Variants in GIGYF2 observed in about 807,000 individuals in gnomAD.
GIGYF2 encodes the protein GRB10-interacting GYF protein 2.
Under a neutral mutation model 208.1 loss-of-function variants are expected in GIGYF2, and 25 were observed. The observed-to-expected ratio is 0.12, with a 90% CI of 0.09 to 0.17. GIGYF2 has a LOEUF of 0.17. GIGYF2 is among the 10% of genes least tolerant of loss of function. The pLI is 1.00. For missense variants in GIGYF2, 1,302 were observed against 1,579.4 expected (o/e 0.82, Z 2.98); for synonymous variants, 534 against 543.8 (o/e 0.98, Z 0.25).
intron 2 of GIGYF2, among the ~76,000 whole-genome samples, chr2:232,716,779 A>G (rs1404537248): frequency 6.6e-6 from 1 of 152,108 alleles, no homozygotes; most frequent in Non-Finnish European, 1.5e-5. Flanking sequence ...TTCATTTAAA[A>G]TAGTTTAAAT....
At chr2:232,716,099 G>A (rs1180386710) in intron 2 of GIGYF2, among the ~76,000 whole-genome samples, 1 of 152,060 alleles carries the variant, frequency 6.6e-6, no homozygotes, top group Non-Finnish European at 1.5e-5. Flanking sequence ...ACTGTGTGCA[G>A]ATGTTACTAT....
intron 3 of GIGYF2, among the ~76,000 whole-genome samples, chr2:232,742,774 C>A (rs978766733): frequency 5.9e-5 from 9 of 152,086 alleles, no homozygotes; most frequent in Non-Finnish European, 1.2e-4. Context: ...GTATGAATCC[C>A]AGATTTTTAA....
chr2:232,721,082 C>G (rs1696922616), intron 2 of GIGYF2, among the ~76,000 whole-genome samples: 1 of 152,188 alleles, frequency 6.6e-6, no homozygotes, highest in Admixed American at 6.5e-5. Flanking sequence ...GGTCTCAGAA[C>G]TAACAATATT....
chr2:232,856,753 G>C (rs1488165576), intron 28 of GIGYF2, 40 bp from the exon 29 acceptor site: 1 of 1,315,160 alleles, frequency 7.6e-7, no homozygotes, highest in African/African-American at 1.4e-5. Context: ...CCGCTTGGTT[G>C]CCTGGGTGTG....
chr2:232,760,567 A>G lies in GIGYF2; in HGVS notation c.467A>G (p.His156Arg). 2 of 1,611,542 alleles carry G rather than the reference A, an allele frequency of 1.2e-6. No homozygotes were observed. The highest frequency in any genetic ancestry group is 1.7e-6 in the Non-Finnish European group (2 of 1,177,848). ...VFGRGGGREM[H>R]RSQSWEERGD... is the part of the protein sequence containing the mutation. The stretch of plus-strand genomic sequence containing the variant: ...GGTCGAGGAGGTGGCAGAGAAATGC[A>G]TAGATCGCAGAGCTGGGAGGAAAGG... Residue 156 changes from histidine (H) to arginine (R), a missense_variant, in exon 7 of 29, where the codon CAT becomes CGT. Transcript: ENST00000373563.
At chr2:232,741,542 A>G (rs1697968701) in intron 3 of GIGYF2, among the ~76,000 whole-genome samples, 1 of 151,848 alleles carries the variant, frequency 6.6e-6, no homozygotes, top group Non-Finnish European at 1.5e-5. Flanking sequence ...TCCTGAGTTC[A>G]AGCGATTCTC....
chr2:232,763,255 A>G (rs1470943839), intron 8 of GIGYF2, among the ~76,000 whole-genome samples: 2 of 152,030 alleles, frequency 1.3e-5, no homozygotes, highest in African/African-American at 4.8e-5. Flanking sequence ...TGGTTATTCT[A>G]AGCTCTCAGA....
chr2:232,845,999 A>C, intron 26 of GIGYF2, 113 bp downstream of exon 26: 1 of 743,100 alleles, frequency 1.3e-6, no homozygotes, highest in Non-Finnish European at 2.4e-6. Context: ...TAAGGAGGTC[A>C]ACTGCTGCAC....
At chr2:232,784,666 C>T (rs895556244) in intron 8 of GIGYF2, among the ~76,000 whole-genome samples, 16 of 152,074 alleles carry the variant, frequency 1.1e-4, no homozygotes, top group African/African-American at 3.6e-4. Flanking sequence ...TGTGAGCCAC[C>T]GCGCCTGGCC....
chr2:232,784,382 A>ATTTTTTTT (rs1360964345), intron 8 of GIGYF2, among the ~76,000 whole-genome samples: 5 of 70,416 alleles, frequency 7.1e-5, no homozygotes, highest in East Asian at 5.9e-4. Flanking sequence ...ACACGAAATA[A>ATTTTTTTT]TTTCTTTTTT....
chr2:232,821,575 A>G (rs767247468), intron 21 of GIGYF2, among the ~76,000 whole-genome samples: 2 of 152,152 alleles, frequency 1.3e-5, no homozygotes, highest in African/African-American at 2.4e-5. Context: ...GATTCCTTAT[A>G]TTCTCAGTAC....
At chr2:232,712,509 T>C (rs956455273) in intron 2 of GIGYF2, among the ~76,000 whole-genome samples, 2 of 152,236 alleles carry the variant, frequency 1.3e-5, no homozygotes. Context: ...TAGTGACTGC[T>C]GGTACAGTTT....
chr2:232,851,497 G>A (rs1022487147), intron 28 of GIGYF2, among the ~76,000 whole-genome samples: 1 of 151,704 alleles, frequency 6.6e-6, no homozygotes, highest in Non-Finnish European at 1.5e-5. Context: ...TCAGCTCACT[G>A]CAACCTCTGC....
intron 8 of GIGYF2, among the ~76,000 whole-genome samples, 190 bp from the exon 9 acceptor site, chr2:232,786,960 A>G (rs1200208985): frequency 3.3e-5 from 5 of 152,228 alleles, no homozygotes; most frequent in Non-Finnish European, 7.3e-5. Flanking sequence ...AAAATTGCCC[A>G]GTCTCTGAAC....
chr2:232,730,592 G>A (rs1427913888), intron 2 of GIGYF2, among the ~76,000 whole-genome samples: 1 of 142,842 alleles, frequency 7.0e-6, no homozygotes, highest in Non-Finnish European at 1.5e-5. Flanking sequence ...GCAGTAGAGC[G>A]AGACTCAGTC....
intron 2 of GIGYF2, among the ~76,000 whole-genome samples, chr2:232,731,735 G>C (rs1421490855): frequency 6.6e-6 from 1 of 152,120 alleles, no homozygotes; most frequent in Admixed American, 6.5e-5. Flanking sequence ...CATTCATTTG[G>C]AATGTACCAT....
chr2:232,703,552 G>A (rs1414651260), intron 2 of GIGYF2, 63 bp downstream of exon 2: 1 of 152,612 alleles, frequency 6.6e-6, no homozygotes, highest in Non-Finnish European at 1.5e-5. Flanking sequence ...TCTGCTTTTA[G>A]GTTTTAGTTA....
intron 2 of GIGYF2, among the ~76,000 whole-genome samples, chr2:232,725,753 G>C (rs535659309): frequency 1.3e-5 from 2 of 152,314 alleles, no homozygotes; most frequent in Non-Finnish European, 2.9e-5. Flanking sequence ...GGCGCCTTGA[G>C]GGCAGGAGTT....
At chr2:232,771,712 C>G (rs1439050896) in intron 8 of GIGYF2, among the ~76,000 whole-genome samples, 1 of 152,170 alleles carries the variant, frequency 6.6e-6, no homozygotes, top group Non-Finnish European at 1.5e-5. Context: ...GGGTGTCAAG[C>G]ATTTATTGAT....
Sources: gnomAD v4.1 joint callset for allele counts (sites outside exome capture counted in the v4.1 genomes callset) on GRCh38, gnomAD v4.1.1 for gene constraint, MANE v1.5 for transcripts, NCBI Gene and HGNC (gene_info 2026-07-23, HGNC 2026-07-21) for gene names.